DLL3: variants seen among roughly 807,000 people sequenced by gnomAD.
The protein encoded by DLL3 is delta-like protein 3.
In DLL3, 49 loss-of-function variants were observed where a neutral mutation model predicts 55.0. That is an observed-to-expected ratio of 0.89 (90% confidence interval 0.71 to 1.13). The LOEUF is 1.13. DLL3 is among the 50% of genes most tolerant of loss of function. The probability of loss-of-function intolerance (pLI) is 0.00; values close to 1 mark genes in which losing one functional copy is unlikely to be tolerated. For missense variants in DLL3, 962 were observed against 875.5 expected, an observed-to-expected ratio of 1.10 and a Z score of -1.25; for synonymous variants, 421 against 385.2, an observed-to-expected ratio of 1.09 and a Z score of -1.09.
Position 39,500,619 on chromosome 19 carries a change from C to A in DLL3, c.356C>A (p.Thr119Asn). The change falls in exon 3 of 9, where the codon ACC becomes AAC. Residue 119 changes from threonine to asparagine, a missense_variant. By Grantham distance (65) the Thr-to-Asn change is moderately conservative (BLOSUM62 0). Transcript: ENST00000356433. ...CCCCTTCCTTCACCCAACCAGGGCACCTTCTCTTTCATCATCGAAACCTGG... is the reference window on the plus strand; with the variant it reads ...CCCCTTCCTTCACCCAACCAGGGCAACTTCTCTTTCATCATCGAAACCTGG... ...QVPFRDAWPG[T>N]FSFIIETWRE... is the part of the protein sequence containing the mutation. 2 of 1,613,626 alleles carry A rather than the reference C, an allele frequency of 1.2e-6. No homozygotes were observed. Among genetic ancestry groups the A allele is most frequent in the Non-Finnish European group, 1.7e-6 (2 of 1,179,658 alleles).
At chr19:39,499,537 C>T in intron 2 of DLL3, 64 bp downstream of exon 2, 3 of 1,535,044 alleles carry the variant, frequency 2.0e-6, no homozygotes, top group Non-Finnish European at 2.6e-6. Context: ...AAACCTCCAC[C>T]TCCTCTCCCC....
intron 4 of DLL3, 39 bp downstream of exon 4, chr19:39,503,096 G>T: frequency 6.6e-7 from 1 of 1,515,052 alleles, no homozygotes; most frequent in African/African-American, 1.4e-5. Flanking sequence ...CCCAGCCGGG[G>T]ACCCCGGCCC....
At position 39,504,165 on chromosome 19, in the gene DLL3, G is replaced by A. The variant is rs146906924; in HGVS notation, c.747G>A (p.Thr249=). The change falls in exon 5 of 9, where the codon ACG becomes ACA. Residue 249 remains threonine, a synonymous_variant. Transcript: ENST00000356433. The part of the protein sequence containing the change: ...CLEGWTGPLC[T]VPVSTSSCLS... ...AGGGCTGGACTGGACCCCTCTGCACGGTCCCTGTCTCCACCAGCAGCTGCC... is the reference window on the plus strand; with the variant it reads ...AGGGCTGGACTGGACCCCTCTGCACAGTCCCTGTCTCCACCAGCAGCTGCC... The A allele has an allele frequency of 1.0e-4, 161 of 1,612,450 alleles. No homozygotes were observed. The highest frequency in any genetic ancestry group is 8.3e-4 in the African/African-American group (62 of 75,060).
intron 2 of DLL3, among the ~76,000 whole-genome samples, chr19:39,499,848 C>A (rs1019313155): frequency 1.6e-5 from 2 of 128,900 alleles, no homozygotes; most frequent in African/African-American, 6.0e-5. Context: ...CTAATATCTT[C>A]TCTCTCTTTT....
In DLL3 at chr19:39,502,950, C is replaced by T. The variant is rs1158478617; in HGVS notation, c.545C>T (p.Ala182Val). ...FSYRARCEPP[A>V]VGTACTRLCR... The stretch of plus-strand genomic sequence containing the variant: ...TACCGCGCGCGCTGCGAGCCGCCTG[C>T]CGTCGGGACCGCGTGCACGCGCCTC... The change falls in exon 4 of 9, where the codon GCC (alanine) becomes GTC (valine). Residue 182 changes from alanine to valine, a missense_variant. Physicochemically the swap from Ala to Val is moderately conservative, Grantham distance 64 (BLOSUM62 0). Transcript: ENST00000356433. 1.4e-6 allele frequency: 2 copies of T among 1,445,430 alleles called. No homozygotes were observed. The highest frequency in any genetic ancestry group is 1.8e-6 in the Non-Finnish European group (2 of 1,105,844). 89.5% of individuals were successfully genotyped at this position (1,445,430 alleles called of 1,614,324 possible). A position where few individuals can be genotyped will look rare whatever the true frequency, so the allele number is the denominator to read the frequency against.
Position 39,508,453 on chromosome 19 carries a change from G to A in DLL3, c.*196G>A. 1.5e-6 allele frequency: 1 copy of A among 646,724 alleles called. No homozygotes were observed. The highest frequency in any genetic ancestry group is 2.7e-6 in the Non-Finnish European group (1 of 370,892). 40.1% of individuals were successfully genotyped at this position (646,724 alleles called of 1,614,324 possible). ...CCATCTCTCTAGAAACACCTATAAA[G>A]GCTATTATTGTGATCAGTTTTGACT... is the stretch of plus-strand genomic sequence containing the variant. On this transcript the variant is annotated 3_prime_UTR_variant, in exon 9 of 9. Transcript: ENST00000356433.
intron 2 of DLL3, among the ~76,000 whole-genome samples, chr19:39,500,272 A>G (rs2079601849): frequency 6.6e-6 from 1 of 151,792 alleles, no homozygotes; most frequent in Admixed American, 6.6e-5. Context: ...TAAAAAAAAA[A>G]AAAAAACATA....
chr19:39,500,125 GT>G lies in DLL3; in HGVS notation c.352-489del, dbSNP rs568949432. Among the ~76,000 whole-genome samples the G allele has an allele frequency of 9.7e-4, 148 of 152,154 alleles. 3 individuals carry two copies. The South Asian group carries it at 0.027, about 28-fold the overall frequency. Reference sequence around the variant, plus strand: ...ATCTCTTGAATAAAGTGCTTACCACGTAGTAAGTGCTCAATAAAGCAAGCCA... The same window carrying G: ...ATCTCTTGAATAAAGTGCTTACCACGAGTAAGTGCTCAATAAAGCAAGCCA... On this transcript the variant is annotated intron_variant, in intron 2 of 8. Coordinates refer to ENST00000356433, the MANE Select transcript of DLL3 (RefSeq NM_203486.3).
At chr19:39,502,412 G>A (rs1022308078) in intron 3 of DLL3, among the ~76,000 whole-genome samples, 9 of 149,422 alleles carry the variant, frequency 6.0e-5, no homozygotes, top group African/African-American at 2.2e-4. Flanking sequence ...ACAGGTGCGT[G>A]CCACCACGCC....
chr19:39,503,437 C>A lies in DLL3; in HGVS notation c.652+380C>A, dbSNP rs73037260. On this transcript the variant is annotated intron_variant, in intron 4 of 8. Transcript: ENST00000356433. Reference sequence around the variant, plus strand: ...TCCCTAACCCACATTCACACCCTGTCCTGATGCTAGGACTCCAAAGCTCTT... The same window carrying A: ...TCCCTAACCCACATTCACACCCTGTACTGATGCTAGGACTCCAAAGCTCTT... 8.1e-3 allele frequency among the ~76,000 whole-genome samples: 1,235 copies of A among 152,306 alleles called. 26 individuals carry two copies. Among genetic ancestry groups the A allele is most frequent in the African/African-American group, 0.028 (1,171 of 41,576 alleles).
chr19:39,501,478 AT>A (rs36120417), intron 3 of DLL3, among the ~76,000 whole-genome samples: 2 of 150,638 alleles, frequency 1.3e-5, no homozygotes, highest in African/African-American at 4.9e-5. Flanking sequence ...TTTTGTCACC[AT>A]TTTTTTTCTT....
chr19:39,505,234 A>G lies in DLL3; in HGVS notation c.876A>G (p.Thr292=). The part of the protein sequence containing the change: ...PCANGGSCSE[T]PRSFECTCPR... ...GTACTCTTGTCCCTGCCCAGGAGAC[A>G]CCCAGGTCCTTTGAATGCACCTGCC... Residue 292 remains threonine (T), a synonymous_variant, in exon 6 of 9, where the codon ACA becomes ACG. Coordinates refer to ENST00000356433, the MANE Select transcript of DLL3 (RefSeq NM_203486.3). 1 of 1,614,020 alleles carries G rather than the reference A, an allele frequency of 6.2e-7. No homozygotes were observed. Among genetic ancestry groups the G allele is most frequent in the South Asian group, 1.1e-5 (1 of 91,074 alleles).
Position 39,507,063 on chromosome 19 carries a change from A to G in DLL3, c.1118A>G (p.His373Arg). ...RNGGLCLDLGHALRCRCRAGF... is the reference protein window; with the variant it reads ...RNGGLCLDLGRALRCRCRAGF... ...GGCGGACTCTGCCTGGACCTGGGCC[A>G]CGCCCTGCGCTGCCGCTGCCGCGCC... The change falls in exon 7 of 9, where the codon CAC becomes CGC. Residue 373 changes from histidine to arginine, a missense_variant. Transcript: ENST00000356433. 8 of 1,540,174 alleles carry G rather than the reference A, an allele frequency of 5.2e-6. No homozygotes were observed. Among genetic ancestry groups the G allele is most frequent in the Non-Finnish European group, 7.0e-6 (8 of 1,150,018 alleles).
In DLL3 at chr19:39,500,666, A is replaced by G. The variant is rs1445329899; in HGVS notation, c.403A>G (p.Ile135Val). 2 of 1,612,926 alleles carry G rather than the reference A, an allele frequency of 1.2e-6. No individual in the cohort carries two copies. Among genetic ancestry groups the G allele is most frequent in the Non-Finnish European group, 1.7e-6 (2 of 1,179,322 alleles). ...ETWREELGDQ[I>V]GGPAWSLLAR... is the part of the protein sequence containing the mutation. ...CTGGAGAGAGGAGTTAGGAGACCAGATTGGAGGTGAGTGTCTTCAGTCTTG... is the reference window on the plus strand; with the variant it reads ...CTGGAGAGAGGAGTTAGGAGACCAGGTTGGAGGTGAGTGTCTTCAGTCTTG... The change falls in exon 3 of 9, where the codon ATT (isoleucine) becomes GTT (valine). Residue 135 changes from isoleucine to valine, a missense_variant. Transcript: ENST00000356433.
Position 39,508,413 on chromosome 19 carries a change from C to T in DLL3, c.*156C>T. The T allele has an allele frequency of 1.2e-6, 1 of 815,668 alleles. No individual in the cohort carries two copies. Among genetic ancestry groups the T allele is most frequent in the East Asian group, 2.6e-5 (1 of 38,598 alleles). 50.5% of individuals were successfully genotyped at this position (815,668 alleles called of 1,614,324 possible). A position where few individuals can be genotyped will look rare whatever the true frequency, so the allele number is the denominator to read the frequency against. ...GTTGTAAATAATGGTTATTTATATC[C>T]TATTTTTTCTCACCCCATCTCTCTA... is the stretch of plus-strand genomic sequence containing the variant. On this transcript the variant is annotated 3_prime_UTR_variant, in exon 9 of 9. Transcript: ENST00000356433.
At position 39,499,127 on chromosome 19, in the gene DLL3, G is replaced by A. The variant is rs2079593679; in HGVS notation, c.70-65G>A. On this transcript the variant is annotated intron_variant, in intron 1 of 8. Transcript: ENST00000356433. ...GCGACCTGAAGGTCCTGGGGAAGGA[G>A]CGTGGGGCGGACGGGAAGCCTGGGT... 34 of 1,611,034 alleles carry A rather than the reference G, an allele frequency of 2.1e-5. No individual in the cohort carries two copies. In the East Asian group the frequency reaches 7.6e-4, roughly 36 times the overall value.
At position 39,500,700 on chromosome 19, in the gene DLL3, G is replaced by C. The variant is rs773840011; in HGVS notation, c.409+28G>C. The stretch of plus-strand genomic sequence containing the variant: ...GAGTGTCTTCAGTCTTGGGACTGGT[G>C]GGGAGCTGGGGCCCACGTGAGACAC... On this transcript the variant is annotated intron_variant, in intron 3 of 8. Transcript: ENST00000356433. The C allele has an allele frequency of 6.2e-6, 10 of 1,603,784 alleles. No individual in the cohort carries two copies. In the South Asian group the frequency reaches 1.1e-4, roughly 18 times the overall value.
At position 39,505,471 on chromosome 19, in the gene DLL3, A is replaced by C. The variant is rs770788839; in HGVS notation, c.1093+20A>C. ...GCAATGGTGAGGCCTGGAGGCCTGA[A>C]CGGCGAGGGATGGGGTGGGGGTCCT... On this transcript the variant is annotated intron_variant, in intron 6 of 8. Transcript: ENST00000356433. 12 of 1,612,784 alleles carry C rather than the reference A, an allele frequency of 7.4e-6. 1 individual carries two copies. The South Asian group carries it at 1.3e-4, about 18-fold the overall frequency.
At chr19:39,504,536 C>T (rs769245974) in intron 5 of DLL3, among the ~76,000 whole-genome samples, 5 of 152,148 alleles carry the variant, frequency 3.3e-5, no homozygotes, top group Non-Finnish European at 7.4e-5. Context: ...GATGAGGAGC[C>T]GTGTGGGGCC....
Sources: allele counts gnomAD v4.1 joint callset (sites outside exome capture counted in the v4.1 genomes callset), GRCh38; gene constraint gnomAD v4.1.1; transcripts MANE v1.5; gene names NCBI Gene and HGNC (gene_info 2026-07-23, HGNC 2026-07-21).